NUMB: variants seen among roughly 807,000 people sequenced by gnomAD.
NUMB encodes protein numb homolog.
In NUMB, 29 loss-of-function variants were observed where a neutral mutation model predicts 59.7. That is an observed-to-expected ratio of 0.49 (90% CI 0.36 to 0.66). NUMB has a LOEUF of 0.66. NUMB is among the 30% of genes least tolerant of loss of function. The pLI is 0.00. For missense variants in NUMB, 723 were observed against 822.0 expected, an observed-to-expected ratio of 0.88 and a Z score of 1.47; for synonymous variants, 288 against 288.2, an observed-to-expected ratio of 1.00 and a Z score of 0.01.
intron 4 of NUMB, among the ~76,000 whole-genome samples, chr14:73,340,650 T>C (rs192996896): frequency 2.0e-5 from 3 of 152,348 alleles, no homozygotes; most frequent in African/African-American, 7.2e-5. Context: ...CAATGAATTA[T>C]CGGTCTCATA....
chr14:73,327,759 CAT>C (rs1029734769), intron 4 of NUMB, among the ~76,000 whole-genome samples: 6 of 152,088 alleles, frequency 3.9e-5, no homozygotes, highest in African/African-American at 1.4e-4. Flanking sequence ...TTTTAAAAAA[CAT>C]ACAGTAAAAT....
chr14:73,419,632 T>C lies in NUMB; in HGVS notation c.-232-9564A>G, dbSNP rs566670848. On this transcript the variant is annotated intron_variant, in intron 1 of 12. Coordinates refer to ENST00000555238, the MANE Select transcript of NUMB (RefSeq NM_001005743.2). ...ATTGAAATTTGAGCCTTAATGAATA[T>C]GCAGTTTATGGTCAAAATAAGTAAA... is the stretch of plus-strand genomic sequence containing the variant. 2.7e-4 allele frequency among the ~76,000 whole-genome samples: 41 copies of C among 152,262 alleles called. 1 individual carries two copies. The South Asian group carries it at 4.8e-3, about 18-fold the overall frequency.
chr14:73,297,168 C>CA (rs753340851), intron 7 of NUMB, 43 bp downstream of exon 7: 144 of 1,357,490 alleles, frequency 1.1e-4, no homozygotes, highest in Middle Eastern at 2.0e-4. Flanking sequence ...ACTCCATCTC[C>CA]AAAAAAAATA....
intron 1 of NUMB, among the ~76,000 whole-genome samples, chr14:73,440,863 G>A (rs1883014609): frequency 6.9e-6 from 1 of 144,262 alleles, no homozygotes; most frequent in South Asian, 2.2e-4. Flanking sequence ...ACTTGAGCCA[G>A]CGTGGTGGCT....
chr14:73,331,284 G>A (rs907915986), intron 4 of NUMB, among the ~76,000 whole-genome samples: 3 of 152,172 alleles, frequency 2.0e-5, no homozygotes, highest in Non-Finnish European at 4.4e-5. Flanking sequence ...CATGGCTCAG[G>A]CCTGTAGTCC....
chr14:73,385,122 C>T (rs560910280), intron 2 of NUMB, among the ~76,000 whole-genome samples: 20 of 151,732 alleles, frequency 1.3e-4, no homozygotes, highest in African/African-American at 4.6e-4. Context: ...CATTAACCAG[C>T]GAGCACTTGA....
chr14:73,292,698 A>G (rs1889476603), intron 8 of NUMB, 36 bp downstream of exon 8: 4 of 1,609,444 alleles, frequency 2.5e-6, no homozygotes, highest in African/African-American at 2.7e-5. Flanking sequence ...GCTAACTGAG[A>G]ATACTCATCA....
intron 5 of NUMB, among the ~76,000 whole-genome samples, chr14:73,322,144 T>C (rs1289782774): frequency 1.3e-5 from 2 of 152,186 alleles, no homozygotes; most frequent in Non-Finnish European, 2.9e-5. Context: ...TATTTAATGC[T>C]GTTGGGACCA....
intron 4 of NUMB, among the ~76,000 whole-genome samples, chr14:73,352,475 CACATAT>C (rs1566756071): frequency 2.9e-4 from 4 of 13,710 alleles, no homozygotes; most frequent in African/African-American, 2.4e-4. Context: ...CACACACACA[CACATAT>C]ATATATATAT....
chr14:73,352,509 TATATATATATATATATATATG>T lies in NUMB; in HGVS notation c.126+3096_126+3116del, dbSNP rs1566756290. ...ATATATATATATATATATATATATA[TATATATATATATATATATATG>T]TTTTTTTTTTTTTTTTTTTTTTGAG... On this transcript the variant is annotated intron_variant, in intron 4 of 12. Transcript: ENST00000555238. 3.2e-3 allele frequency among the ~76,000 whole-genome samples: 56 copies of T among 17,678 alleles called. 7 individuals are homozygous for T. The highest frequency in any genetic ancestry group is 0.019 in the African/African-American group (40 of 2,132). 11.6% of individuals were successfully genotyped at this position (17,678 alleles called of 152,430 possible).
chr14:73,308,563 G>A (rs1199290965), intron 6 of NUMB, among the ~76,000 whole-genome samples: 1 of 152,198 alleles, frequency 6.6e-6, no homozygotes, highest in Non-Finnish European at 1.5e-5. Context: ...GTAAATGCAA[G>A]TAATCTGGCC....
chr14:73,305,009 C>G (rs138776406), intron 6 of NUMB, among the ~76,000 whole-genome samples: 1 of 152,086 alleles, frequency 6.6e-6, no homozygotes, highest in African/African-American at 2.4e-5. Context: ...TCAGGTGATC[C>G]GCCCACCTCA....
chr14:73,398,414 G>C (rs1205746422), intron 2 of NUMB, among the ~76,000 whole-genome samples: 1 of 72,696 alleles, frequency 1.4e-5, no homozygotes, highest in African/African-American at 6.1e-5. Flanking sequence ...GAGAGAGAGA[G>C]AGTGTGTGTG....
intron 6 of NUMB, among the ~76,000 whole-genome samples, chr14:73,304,271 C>CTTTT (rs112261243): frequency 0.8 from 121,392 of 151,812 alleles, 49,087 homozygotes; most frequent in African/African-American, 0.92. Flanking sequence ...TATCTCCAGG[C>CTTTT]TTTGTTTCTT....
chr14:73,281,448 G>GA (rs761864321), intron 11 of NUMB: 6 of 152,080 alleles, frequency 3.9e-5, no homozygotes, highest in Non-Finnish European at 8.8e-5. Flanking sequence ...TTATTAAAAA[G>GA]AAAAAGAAAA....
chr14:73,296,795 G>A (rs1181961355), intron 7 of NUMB, among the ~76,000 whole-genome samples: 4 of 152,116 alleles, frequency 2.6e-5, no homozygotes, highest in East Asian at 1.9e-4. Context: ...GGAGGCTGCC[G>A]GTGGATCACC....
chr14:73,432,698 T>C (rs1195979249), intron 1 of NUMB, among the ~76,000 whole-genome samples: 1 of 152,138 alleles, frequency 6.6e-6, no homozygotes, highest in Non-Finnish European at 1.5e-5. Context: ...ATGACAGGAA[T>C]AATGACACCA....
intron 1 of NUMB, among the ~76,000 whole-genome samples, chr14:73,433,542 A>C (rs894827319): frequency 1.3e-5 from 2 of 152,126 alleles, no homozygotes; most frequent in Non-Finnish European, 2.9e-5. Context: ...TAAACGTTAC[A>C]TTTTCAGAGT....
intron 12 of NUMB, among the ~76,000 whole-genome samples, chr14:73,277,694 G>T (rs937141816): frequency 2.6e-5 from 4 of 151,784 alleles, no homozygotes; most frequent in African/African-American, 9.7e-5. Context: ...CCCAAGAGCT[G>T]GAGGCTGCAG....
Sources: allele counts gnomAD v4.1 joint callset (sites outside exome capture counted in the v4.1 genomes callset), GRCh38; gene constraint gnomAD v4.1.1; transcripts MANE v1.5; gene names NCBI Gene and HGNC (gene_info 2026-07-23, HGNC 2026-07-21).